Variants in CCNC observed in about 807,000 individuals in gnomAD.
The protein encoded by CCNC is cyclin C.
CCNC carries 19 observed loss-of-function variants against 50.0 expected under a neutral mutation model. The observed-to-expected ratio is 0.38, with a 90% confidence interval of 0.27 to 0.56. CCNC has a LOEUF of 0.56. Among genes scored for constraint, CCNC ranks in the 20% least tolerant of loss-of-function variants. The pLI, the probability that CCNC is intolerant of heterozygous loss-of-function variation, is 0.72. For missense variants in CCNC, 200 were observed against 327.1 expected (o/e 0.61, Z 3.00); for synonymous variants, 93 against 103.7 (o/e 0.90, Z 0.63).
At chr6:99,549,610 A>C (rs1407276378) in intron 8 of CCNC, 35 bp from the exon 9 acceptor site, 1 of 1,308,760 alleles carries the variant, frequency 7.6e-7, no homozygotes, top group Non-Finnish European at 1.1e-6. Flanking sequence ...TACTGAAAGC[A>C]GAACTACCTC....
At chr6:99,564,607 C>A (rs1393597018) in intron 1 of CCNC, among the ~76,000 whole-genome samples, 17 of 151,672 alleles carry the variant, frequency 1.1e-4, no homozygotes, top group African/African-American at 4.1e-4. Flanking sequence ...TCTAATATGA[C>A]CATTTTTCTA....
At chr6:99,559,546 T>C (rs537262444) in intron 4 of CCNC, among the ~76,000 whole-genome samples, 10 of 152,056 alleles carry the variant, frequency 6.6e-5, no homozygotes, top group African/African-American at 2.2e-4. Flanking sequence ...CCTCCAACTA[T>C]AATAACTGAA....
At chr6:99,552,481 T>C (rs1013877481) in intron 5 of CCNC, among the ~76,000 whole-genome samples, 2 of 152,146 alleles carry the variant, frequency 1.3e-5, no homozygotes, top group Admixed American at 6.6e-5. Flanking sequence ...AAAGTAGTAG[T>C]AGTAACACAT....
chr6:99,560,377 T>A (rs1802728206), intron 4 of CCNC, among the ~76,000 whole-genome samples: 1 of 152,216 alleles, frequency 6.6e-6, no homozygotes. Context: ...CTTAATATTA[T>A]TTCTAACAGA....
At position 99,551,906 on chromosome 6, in the gene CCNC, T is replaced by TAA; in HGVS notation, c.347-13_347-12dup. On this transcript the variant is annotated splice_polypyrimidine_tract_variant and intron_variant, in intron 5 of 11. Coordinates refer to ENST00000520429, the MANE Select transcript of CCNC (RefSeq NM_005190.4). The stretch of plus-strand genomic sequence containing the variant: ...AAAATCTAGTTTTTACTGCAGAAAA[T>TAA]AAAAAAAAAATTTAAACTGAGAAAA... 15 of 1,350,272 alleles carry TAA rather than the reference T, an allele frequency of 1.1e-5. No individual in the cohort carries two copies. Among genetic ancestry groups the TAA allele is most frequent in the South Asian group, 2.9e-5 (2 of 67,906 alleles). 83.6% of individuals were successfully genotyped at this position (1,350,272 alleles called of 1,614,324 possible).
At chr6:99,544,018 A>C in intron 11 of CCNC, 3 of 828,218 alleles carry the variant, frequency 3.6e-6, no homozygotes, top group East Asian at 7.6e-5. Context: ...GTTCTTCAAA[A>C]AAAAAAAAAA....
chr6:99,558,274 A>G, intron 5 of CCNC: 1 of 524,446 alleles, frequency 1.9e-6, no homozygotes, highest in Non-Finnish European at 3.1e-6. Flanking sequence ...ATTGATAATT[A>G]CTATCCATTT....
intron 10 of CCNC, among the ~76,000 whole-genome samples, chr6:99,545,495 A>C (rs1802034597): frequency 6.6e-6 from 1 of 152,168 alleles, no homozygotes; most frequent in Non-Finnish European, 1.5e-5. Context: ...TTAAACTGAA[A>C]CATACTAAGA....
At chr6:99,550,780 A>C (rs1172309573) in intron 7 of CCNC, 1 of 276,322 alleles carries the variant, frequency 3.6e-6, no homozygotes, top group Non-Finnish European at 6.9e-6. Flanking sequence ...ATAGAACAGA[A>C]AAATTTTCCC....
chr6:99,567,574 A>C (rs2114439195), intron 1 of CCNC, among the ~76,000 whole-genome samples: 1 of 152,332 alleles, frequency 6.6e-6, no homozygotes, highest in East Asian at 1.9e-4. Context: ...AGGGCTAAAA[A>C]ATGAACATCA....
chr6:99,563,465 G>A (rs1239655945), intron 1 of CCNC, among the ~76,000 whole-genome samples: 2 of 152,158 alleles, frequency 1.3e-5, no homozygotes, highest in Non-Finnish European at 2.9e-5. Flanking sequence ...GCCTAGTCAA[G>A]TGTGCTATTT....
chr6:99,547,532 A>T (rs1277593696), intron 9 of CCNC, among the ~76,000 whole-genome samples: 1 of 152,152 alleles, frequency 6.6e-6, no homozygotes, highest in African/African-American at 2.4e-5. Context: ...ATGTATATCA[A>T]TTGGGAGACG....
intron 1 of CCNC, 116 bp downstream of exon 1, chr6:99,568,380 G>C (rs1248808667): frequency 9.8e-7 from 1 of 1,019,082 alleles, no homozygotes; most frequent in East Asian, 2.6e-5. Flanking sequence ...GCGGTCTCCC[G>C]TGAGGACCCC....
intron 7 of CCNC, 194 bp from the exon 8 acceptor site, chr6:99,550,503 C>T (rs768528484): frequency 4.8e-5 from 25 of 522,044 alleles, no homozygotes; most frequent in Non-Finnish European, 8.5e-5. Flanking sequence ...AGGCAGTGCT[C>T]TCTCTGGAAT....
At chr6:99,568,691 C>T, upstream of CCNC, 2 of 1,468,100 alleles carry the variant, frequency 1.4e-6, no homozygotes, top group East Asian at 2.5e-5. Flanking sequence ...CCCCTAGTCT[C>T]CTTCACGCCG....
chr6:99,544,268 G>A (rs956822537), intron 11 of CCNC: 2 of 1,534,636 alleles, frequency 1.3e-6, no homozygotes, highest in African/African-American at 2.7e-5. Flanking sequence ...ATCACTCAGG[G>A]AATTTCTGCA....
chr6:99,562,250 C>A (rs1013106763), intron 2 of CCNC: 1 of 152,492 alleles, frequency 6.6e-6, no homozygotes, highest in Non-Finnish European at 1.5e-5. Context: ...ATCTCAAATT[C>A]CTGGCCTCAA....
chr6:99,547,708 A>G (rs1185899165), intron 9 of CCNC, among the ~76,000 whole-genome samples: 1 of 152,146 alleles, frequency 6.6e-6, no homozygotes, highest in African/African-American at 2.4e-5. Context: ...AAAACCAAAC[A>G]TTGCCAAATG....
At chr6:99,554,819 T>C (rs1471869869) in intron 5 of CCNC, among the ~76,000 whole-genome samples, 3 of 152,198 alleles carry the variant, frequency 2.0e-5, no homozygotes, top group African/African-American at 7.2e-5. Context: ...AACCAAGATA[T>C]GGGTACTAGG....
Sources: allele counts gnomAD v4.1 joint callset (sites outside exome capture counted in the v4.1 genomes callset), GRCh38; gene constraint gnomAD v4.1.1; transcripts MANE v1.5; gene names NCBI Gene and HGNC (gene_info 2026-07-23, HGNC 2026-07-21).